Variants in TECPR1 observed in about 807,000 individuals in gnomAD.
The protein encoded by TECPR1 is tectonin beta-propeller repeat-containing protein 1.
Under a neutral mutation model 162.4 loss-of-function variants are expected in TECPR1, and 122 were observed. The ratio of observed to expected loss-of-function variants is 0.75; its 90% CI spans 0.65 to 0.87. The LOEUF is 0.87. Among genes scored for constraint, TECPR1 ranks in the 40% least tolerant of loss-of-function variants. TECPR1 has a pLI of 0.00. For missense variants in TECPR1, 1,432 were observed against 1,618.2 expected, an observed-to-expected ratio of 0.88 and a Z score of 1.97; for synonymous variants, 642 against 670.6, an observed-to-expected ratio of 0.96 and a Z score of 0.66.
At position 98,236,790 on chromosome 7, in the gene TECPR1, C is replaced by G. The variant is rs760319526; in HGVS notation, c.1167G>C (p.Ser389=). 6.3e-7 allele frequency: 1 copy of G among 1,593,870 alleles called. No individual in the cohort carries two copies. Among genetic ancestry groups the G allele is most frequent in the South Asian group, 1.1e-5 (1 of 87,654 alleles). Residue 389 remains serine, a synonymous_variant, in exon 10 of 26, where the codon TCG becomes TCC. Transcript: ENST00000447648. ...RECDRSHSGS[S]SSLLSAGCFF... ...CCCCCAGTCACCTGAGGAGACTAGACGAGCTGCCAGAGTGTGACCGGTCAC... is the reference window on the plus strand; with the variant it reads ...CCCCCAGTCACCTGAGGAGACTAGAGGAGCTGCCAGAGTGTGACCGGTCAC...
chr7:98,241,962 C>T lies in TECPR1; in HGVS notation c.658-718G>A, dbSNP rs538528068. ...GGTGCAGGCAGCACCAGCTCACGGC[C>T]GACATTCCAGGACACAAACGCTGCT... On this transcript the variant is annotated intron_variant, in intron 6 of 25. Coordinates refer to ENST00000447648, the MANE Select transcript of TECPR1 (RefSeq NM_015395.3). The surrounding 1 kb of genome is among the most constrained non-coding windows in gnomAD (Gnocchi z 5.0). 6.6e-6 allele frequency among the ~76,000 whole-genome samples: 1 copy of T among 152,316 alleles called. No homozygotes were observed. The highest frequency in any genetic ancestry group is 2.1e-4 in the South Asian group (1 of 4,832).
chr7:98,245,900 C>T, intron 3 of TECPR1, 22 bp downstream of exon 3: 1 of 1,574,220 alleles, frequency 6.4e-7, no homozygotes, highest in South Asian at 1.2e-5. Flanking sequence ...CGCTCGGCAA[C>T]TCCAACCATG....
At position 98,233,553 on chromosome 7, in the gene TECPR1, AG is replaced by A; in HGVS notation, c.1539del (p.Ser514LeufsTer97). 1 of 1,595,748 alleles carries A rather than the reference AG, an allele frequency of 6.3e-7. No homozygotes were observed. The highest frequency in any genetic ancestry group is 1.1e-5 in the South Asian group (1 of 89,040). ...AAGFPETTSL[S>X]SLGLLPLGLE... ...AAGCCCAGTGGGAGGAGCCCCAGAGAGGAGAGGCTGGTGGTCTCGGGGAAGC... is the reference window on the plus strand; with the variant it reads ...AAGCCCAGTGGGAGGAGCCCCAGAGAGAGAGGCTGGTGGTCTCGGGGAAGC... On this transcript the variant is annotated frameshift_variant, in exon 11 of 26. Coordinates refer to ENST00000447648, the MANE Select transcript of TECPR1 (RefSeq NM_015395.3). LOFTEE classifies it high-confidence loss of function.
intron 16 of TECPR1, chr7:98,228,411 T>G (rs1798333609): frequency 5.2e-6 from 2 of 383,728 alleles, no homozygotes; most frequent in Non-Finnish European, 9.9e-6. Context: ...GCCCTCCTAC[T>G]TAGCACCAGG....
At chr7:98,223,966 TC>T (rs35446950) in intron 19 of TECPR1, among the ~76,000 whole-genome samples, 1 of 151,914 alleles carries the variant, frequency 6.6e-6, no homozygotes, top group Non-Finnish European at 1.5e-5. Flanking sequence ...GGTTGGGGCC[TC>T]CCAGGGGCAG....
intron 6 of TECPR1, among the ~76,000 whole-genome samples, chr7:98,242,277 C>T (rs771190339): frequency 5.9e-5 from 9 of 152,138 alleles, no homozygotes; most frequent in South Asian, 2.1e-4. Flanking sequence ...AGCCATGACT[C>T]GAGTGTCAGC....
rs570479856 is a variant in TECPR1 at position 98,221,757 on chromosome 7, C to T, written c.3065-4G>A. ...GGGATGTGGTACCAGCAGTCACCTGCGAAGGGGAGGCTGACTCAGGCACGC... is the reference window on the plus strand; with the variant it reads ...GGGATGTGGTACCAGCAGTCACCTGTGAAGGGGAGGCTGACTCAGGCACGC... On this transcript the variant is annotated splice_polypyrimidine_tract_variant and splice_region_variant and intron_variant, in intron 22 of 25. Transcript: ENST00000447648. 86 of 1,610,872 alleles carry T rather than the reference C, an allele frequency of 5.3e-5. No individual in the cohort carries two copies. In the East Asian group the frequency reaches 9.4e-4, roughly 18 times the overall value.
intron 17 of TECPR1, among the ~76,000 whole-genome samples, chr7:98,225,815 G>C (rs1162970818): frequency 6.6e-6 from 1 of 152,044 alleles, no homozygotes; most frequent in East Asian, 1.9e-4. Context: ...CACCATACCT[G>C]GCTAATTTAT....
chr7:98,227,823 A>C (rs1490613454), intron 17 of TECPR1, among the ~76,000 whole-genome samples, 191 bp downstream of exon 17: 4 of 95,380 alleles, frequency 4.2e-5, no homozygotes, highest in African/African-American at 8.6e-5. Context: ...CCCTGTATCA[A>C]AAAAAAAAAA....
Position 98,241,003 on chromosome 7 carries a change from G to T in TECPR1, c.833-52C>A. ...TGGCCCCCATCAGCCTGGACAGCTG[G>T]GGAGCGAGTGACCCTCACCCTTCTC... On this transcript the variant is annotated intron_variant, in intron 7 of 25. Transcript: ENST00000447648. The surrounding 1 kb of genome is among the most constrained non-coding windows in gnomAD (Gnocchi z 5.0). 1 of 1,585,302 alleles carries T rather than the reference G, an allele frequency of 6.3e-7. No individual in the cohort carries two copies. The highest frequency in any genetic ancestry group is 8.6e-7 in the Non-Finnish European group (1 of 1,166,758).
intron 8 of TECPR1, among the ~76,000 whole-genome samples, chr7:98,239,156 C>T (rs545589999): frequency 3.5e-4 from 53 of 152,370 alleles, no homozygotes; most frequent in South Asian, 2.5e-3. Context: ...TGCTCCACCC[C>T]GCCACCCGGC....
chr7:98,218,337 G>A (rs1798067664), intron 23 of TECPR1, among the ~76,000 whole-genome samples: 1 of 152,168 alleles, frequency 6.6e-6, no homozygotes, highest in Non-Finnish European at 1.5e-5. Context: ...TTTCTGCTGA[G>A]GCAGAAACTA....
At chr7:98,246,271 T>A in intron 2 of TECPR1, 106 bp from the exon 3 acceptor site, 2 of 120,848 alleles carry the variant, frequency 1.7e-5, no homozygotes, top group Non-Finnish European at 2.9e-5. Flanking sequence ...TCTTTTTCTC[T>A]TTTTTTTTTT....
chr7:98,231,537 C>A (rs1363804660), intron 13 of TECPR1, 164 bp from the exon 14 acceptor site: 1 of 602,634 alleles, frequency 1.7e-6, no homozygotes, highest in East Asian at 3.7e-5. Flanking sequence ...TTTACCCCCT[C>A]CCCAGGCACC....
At chr7:98,222,828 C>T (rs1239344957) in intron 21 of TECPR1, 162 bp downstream of exon 21, 2 of 988,616 alleles carry the variant, frequency 2.0e-6, no homozygotes, top group Non-Finnish European at 3.0e-6. Flanking sequence ...CCGCCCCACC[C>T]GCCTCATTCC....
At chr7:98,224,901 A>C in intron 18 of TECPR1, 21 bp from the exon 19 acceptor site, 1 of 1,555,740 alleles carries the variant, frequency 6.4e-7, no homozygotes, top group Non-Finnish European at 8.7e-7. Flanking sequence ...TGGGTCAGTG[A>C]GGATGGGACC....
intron 11 of TECPR1, 79 bp downstream of exon 11, chr7:98,233,342 A>C: frequency 7.2e-7 from 1 of 1,379,908 alleles, no homozygotes; most frequent in Non-Finnish European, 9.4e-7. Context: ...GAGCCCCCTG[A>C]CCCCGGCCTC....
intron 13 of TECPR1, 59 bp from the exon 14 acceptor site, chr7:98,231,432 G>T (rs1798432925): frequency 6.5e-7 from 1 of 1,529,666 alleles, no homozygotes; most frequent in Non-Finnish European, 8.8e-7. Flanking sequence ...CCTCTGGAGG[G>T]TGACCCCCAC....
At chr7:98,222,605 A>G in intron 21 of TECPR1, 84 bp from the exon 22 acceptor site, 1 of 1,487,566 alleles carries the variant, frequency 6.7e-7, no homozygotes, top group Non-Finnish European at 9.0e-7. Flanking sequence ...AAATGGGCCT[A>G]GCGCGTGGGC....
Sources: gnomAD v4.1 joint callset for allele counts (sites outside exome capture counted in the v4.1 genomes callset) on GRCh38, gnomAD v4.1.1 for gene constraint, Gnocchi (gnomAD v3.1) non-coding constraint, MANE v1.5 for transcripts, NCBI Gene and HGNC (gene_info 2026-07-23, HGNC 2026-07-21) for gene names.